MYOM1: variants seen among roughly 807,000 people sequenced by gnomAD.
The protein encoded by MYOM1 is myomesin-1.
MYOM1 carries 164 observed loss-of-function variants against 205.3 expected under a neutral mutation model. The ratio of observed to expected loss-of-function variants is 0.80; its 90% CI spans 0.70 to 0.91. The LOEUF is 0.91. Ranked by LOEUF, MYOM1 falls within the 40% of genes least tolerant of loss-of-function variation. The pLI is 0.00. For synonymous variants in MYOM1, 772 were observed against 789.4 expected (o/e 0.98, Z 0.37); for missense variants, 2,011 against 2,127.3 (o/e 0.95, Z 1.08).
chr18:3,142,358 C>T (rs1169935817), intron 13 of MYOM1, among the ~76,000 whole-genome samples: 4 of 152,036 alleles, frequency 2.6e-5, no homozygotes, highest in African/African-American at 9.7e-5. Context: ...ACCTTCTGGG[C>T]CCAAGTGATC....
Position 3,112,343 on chromosome 18 carries a change from TC to T in MYOM1, c.3372del (p.Lys1125SerfsTer22). On this transcript the variant is annotated frameshift_variant, in exon 22 of 38. Transcript: ENST00000356443. LOFTEE classifies it high-confidence loss of function. Reference protein sequence around the residue: ...RVRAINQAGVGKPSDLAGPVV... With the variant: ...RVRAINQAGVXKPSDLAGPVV... ...ACAGGGCCAGCAAGGTCAGATGGCTTCCCAACTCCCGCCTGGTTTATGGCTC... is the reference window on the plus strand; with the variant it reads ...ACAGGGCCAGCAAGGTCAGATGGCTTCCAACTCCCGCCTGGTTTATGGCTC... The T allele has an allele frequency of 6.2e-7, 1 of 1,612,872 alleles. No individual in the cohort carries two copies. The highest frequency in any genetic ancestry group is 8.5e-7 in the Non-Finnish European group (1 of 1,179,076).
At chr18:3,243,778 C>T in the MYOM1 span, among the ~76,000 whole-genome samples, 1 of 152,082 alleles carries the variant, frequency 6.6e-6, no homozygotes, top group Non-Finnish European at 1.5e-5. Flanking sequence ...ATCAATGAAA[C>T]GGAGGTAATA....
the MYOM1 span, among the ~76,000 whole-genome samples, chr18:3,231,206 C>T: frequency 2.0e-5 from 3 of 152,122 alleles, no homozygotes; most frequent in Non-Finnish European, 4.4e-5. Flanking sequence ...ACACTCCTCC[C>T]GTAAGAATTT....
At chr18:3,168,610 C>T (rs2080507354) in intron 9 of MYOM1, among the ~76,000 whole-genome samples, 1 of 152,204 alleles carries the variant, frequency 6.6e-6, no homozygotes. Flanking sequence ...CTTTATGATT[C>T]TTTCCACATC....
At chr18:3,213,134 C>T (rs2081211219) in intron 2 of MYOM1, among the ~76,000 whole-genome samples, 1 of 152,204 alleles carries the variant, frequency 6.6e-6, no homozygotes, top group Admixed American at 6.5e-5. Flanking sequence ...TCAAACCCAA[C>T]AGGGATTTCG....
At chr18:3,139,260 A>T (rs1002291921) in intron 14 of MYOM1, among the ~76,000 whole-genome samples, 1 of 152,238 alleles carries the variant, frequency 6.6e-6, no homozygotes, top group Admixed American at 6.5e-5. Flanking sequence ...TTAACGAGTG[A>T]TACAGTCCTT....
chr18:3,187,364 T>C (rs1417699986), intron 5 of MYOM1, 116 bp downstream of exon 5: 3 of 1,177,790 alleles, frequency 2.5e-6, no homozygotes, highest in East Asian at 4.8e-5. Context: ...TAAAAACCTA[T>C]ACAATCTTGT....
At chr18:3,234,962 G>T in the MYOM1 span, among the ~76,000 whole-genome samples, 1 of 149,082 alleles carries the variant, frequency 6.7e-6, no homozygotes, top group Non-Finnish European at 1.5e-5. Context: ...ACGCTGGATT[G>T]CCCAGGCTGG....
At position 3,075,775 on chromosome 18, in the gene MYOM1, A is replaced by G; in HGVS notation, c.4649-14T>C. 1 of 1,571,562 alleles carries G rather than the reference A, an allele frequency of 6.4e-7. No individual in the cohort carries two copies. Among genetic ancestry groups the G allele is most frequent in the Non-Finnish European group, 8.6e-7 (1 of 1,156,882 alleles). Reference sequence around the variant, plus strand: ...CCTCATCGTATGCTTTAAAAGAAAAAAGAAAAGTTAGAATTTTCTCACCCA... The same window carrying G: ...CCTCATCGTATGCTTTAAAAGAAAAGAGAAAAGTTAGAATTTTCTCACCCA... On this transcript the variant is annotated splice_polypyrimidine_tract_variant and intron_variant, in intron 34 of 37. Coordinates refer to ENST00000356443, the MANE Select transcript of MYOM1 (RefSeq NM_003803.4).
intron 14 of MYOM1, among the ~76,000 whole-genome samples, chr18:3,139,686 C>A (rs2080021915): frequency 6.6e-6 from 1 of 152,214 alleles, no homozygotes; most frequent in Non-Finnish European, 1.5e-5. Flanking sequence ...GCTCTGTGTC[C>A]TCAATACCCA....
the MYOM1 span, among the ~76,000 whole-genome samples, chr18:3,231,534 C>CT: frequency 0.026 from 3,157 of 120,164 alleles, 126 homozygotes; most frequent in African/African-American, 0.074. Context: ...AATATGCATC[C>CT]TTTTTTTTTT....
chr18:3,112,694 G>C (rs972831414), intron 21 of MYOM1, among the ~76,000 whole-genome samples: 3 of 152,182 alleles, frequency 2.0e-5, no homozygotes, highest in African/African-American at 7.2e-5. Context: ...ACCAACATCA[G>C]AAACAGAGAC....
At chr18:3,148,687 A>G (rs1013092220) in intron 13 of MYOM1, among the ~76,000 whole-genome samples, 5 of 151,798 alleles carry the variant, frequency 3.3e-5, no homozygotes, top group African/African-American at 1.2e-4. Flanking sequence ...CTCTACTAAA[A>G]ATACAAAAAT....
At chr18:3,176,371 G>A (rs965963571) in intron 5 of MYOM1, among the ~76,000 whole-genome samples, 1 of 152,110 alleles carries the variant, frequency 6.6e-6, no homozygotes, top group Non-Finnish European at 1.5e-5. Context: ...AAATGTTGAC[G>A]ATTCACAGCA....
chr18:3,203,855 T>C (rs568804581), intron 2 of MYOM1, among the ~76,000 whole-genome samples: 2 of 151,498 alleles, frequency 1.3e-5, no homozygotes, highest in South Asian at 2.1e-4. Flanking sequence ...ATATCCATCA[T>C]AGAGACGCAA....
chr18:3,104,130 G>A (rs2079419109), intron 22 of MYOM1, among the ~76,000 whole-genome samples: 1 of 152,022 alleles, frequency 6.6e-6, no homozygotes, highest in East Asian at 1.9e-4. Flanking sequence ...CTGATAACAC[G>A]TGACTAATCT....
chr18:3,119,289 G>A lies in MYOM1; in HGVS notation c.3118+580C>T, dbSNP rs367714986. On this transcript the variant is annotated intron_variant, in intron 20 of 37. Coordinates refer to ENST00000356443, the MANE Select transcript of MYOM1 (RefSeq NM_003803.4). ...GAAAAGTCAGTGCAGAGAGGCAAGC[G>A]GAGAGAGGTCAGCCTTAAACCCTAG... Among the ~76,000 whole-genome samples, 52 of 152,240 alleles carry A rather than the reference G, an allele frequency of 3.4e-4. 1 individual carries two copies. Among genetic ancestry groups the A allele is most frequent in the East Asian group, 9.6e-4 (5 of 5,184 alleles).
intron 2 of MYOM1, 51 bp downstream of exon 2, chr18:3,214,883 G>A: frequency 6.6e-7 from 1 of 1,521,822 alleles, no homozygotes; most frequent in Non-Finnish European, 8.8e-7. Flanking sequence ...GTTACTCAGA[G>A]CACACGCCTC....
the MYOM1 span, among the ~76,000 whole-genome samples, chr18:3,242,788 C>T: frequency 2.2e-4 from 33 of 152,328 alleles, no homozygotes; most frequent in African/African-American, 7.5e-4. Flanking sequence ...GGATTACAGG[C>T]ATGAGCCTCT....
Sources: allele counts gnomAD v4.1 joint callset (sites outside exome capture counted in the v4.1 genomes callset), GRCh38; gene constraint gnomAD v4.1.1; transcripts MANE v1.5; gene names NCBI Gene and HGNC (gene_info 2026-07-23, HGNC 2026-07-21).